TENM1: variants seen among roughly 807,000 people sequenced by gnomAD.
TENM1 encodes teneurin transmembrane protein 1.
TENM1 carries 35 observed loss-of-function variants against 174.8 expected under a neutral mutation model. The observed-to-expected ratio is 0.20, with a 90% CI of 0.15 to 0.27. TENM1 has a LOEUF of 0.27. Ranked by LOEUF, TENM1 falls within the 10% of genes least tolerant of loss-of-function variation. TENM1 has a pLI of 1.00. For missense variants in TENM1, 1,633 were observed against 2,130.1 expected, an observed-to-expected ratio of 0.77 and a Z score of 4.59; for synonymous variants, 781 against 798.7, an observed-to-expected ratio of 0.98 and a Z score of 0.37.
chrX:124,824,824 C>G (rs2056118531), intron 3 of TENM1, among the ~76,000 whole-genome samples: 1 of 111,576 alleles, frequency 9.0e-6, no homozygotes, highest in South Asian at 3.8e-4. Flanking sequence ...TGTAGTACTA[C>G]TAATGTGCAA....
At chrX:124,667,296 T>C (rs2051792011) in intron 6 of TENM1, among the ~76,000 whole-genome samples, 1 of 111,444 alleles carries the variant, frequency 9.0e-6, no homozygotes, top group African/African-American at 3.3e-5. Context: ...GTTTACTGGT[T>C]AAATAGTTAT....
chrX:124,825,041 C>T (rs931396402), intron 3 of TENM1, among the ~76,000 whole-genome samples: 9 of 109,460 alleles, frequency 8.2e-5, no homozygotes, highest in African/African-American at 2.0e-4. Context: ...GAAATGGGAA[C>T]GTGACGAGAC....
chrX:125,202,216 G>A, the TENM1 span, among the ~76,000 whole-genome samples: 5 of 111,805 alleles, frequency 4.5e-5, no homozygotes, highest in East Asian at 1.4e-3. Context: ...CACGTTAAGA[G>A]TAGCAATTGA....
chrX:124,384,192 T>C, exon 30 of TENM1: 1 of 1,210,353 alleles, frequency 8.3e-7, no homozygotes. Context: ...CCAGAAGCCT[T>C]ATTGTAGGCT....
the TENM1 span, among the ~76,000 whole-genome samples, chrX:125,033,544 A>G: frequency 1.8e-5 from 2 of 111,923 alleles, no homozygotes; most frequent in Non-Finnish European, 3.8e-5. Flanking sequence ...TTGAGAGTAG[A>G]AAAAGCAGCC....
At chrX:124,947,135 G>A (rs1424034878) in intron 1 of TENM1, among the ~76,000 whole-genome samples, 1 of 111,584 alleles carries the variant, frequency 9.0e-6, no homozygotes. Flanking sequence ...AAAGAACACT[G>A]TCCCTTGGCC....
intron 1 of TENM1, among the ~76,000 whole-genome samples, chrX:124,921,027 G>T (rs1456596908): frequency 2.1e-5 from 2 of 93,605 alleles, no homozygotes; most frequent in African/African-American, 4.0e-5. Flanking sequence ...CTTACCTCTA[G>T]TTTCCCCTAA....
At chrX:124,393,410 T>TG (rs2060301946) in intron 27 of TENM1, among the ~76,000 whole-genome samples, 7 of 110,125 alleles carry the variant, frequency 6.4e-5, no homozygotes, top group East Asian at 2.8e-4. Flanking sequence ...ACTGTTTTTT[T>TG]TTGTGTGTGT....
chrX:125,051,825 A>G, the TENM1 span, among the ~76,000 whole-genome samples: 1 of 104,455 alleles, frequency 9.6e-6, no homozygotes, highest in African/African-American at 3.5e-5. Flanking sequence ...AATGGCAACA[A>G]AAGCCAAAAT....
chrX:125,108,575 G>T, the TENM1 span, among the ~76,000 whole-genome samples: 1 of 109,263 alleles, frequency 9.2e-6, no homozygotes, highest in Admixed American at 9.8e-5. Context: ...ACAAAAATTC[G>T]CTGGGCATGG....
chrX:125,109,051 C>T, the TENM1 span, among the ~76,000 whole-genome samples: 1 of 111,174 alleles, frequency 9.0e-6, no homozygotes, highest in Non-Finnish European at 1.9e-5. Flanking sequence ...CCCTTTCTTT[C>T]CATTACTTGG....
chrX:125,157,459 T>C, the TENM1 span, among the ~76,000 whole-genome samples: 13 of 112,257 alleles, frequency 1.2e-4, no homozygotes, highest in East Asian at 3.4e-3. Flanking sequence ...ACACATTACA[T>C]ATGCTTTTGT....
At chrX:124,775,241 G>A (rs1238056226) in intron 3 of TENM1, among the ~76,000 whole-genome samples, 1 of 106,459 alleles carries the variant, frequency 9.4e-6, no homozygotes, top group Non-Finnish European at 1.9e-5. Context: ...GGGAGGCGGA[G>A]GCTGCAGTGA....
chrX:125,039,219 A>G, the TENM1 span, among the ~76,000 whole-genome samples: 1 of 111,800 alleles, frequency 8.9e-6, no homozygotes, highest in Admixed American at 9.5e-5. Flanking sequence ...TCAGTTTTAT[A>G]TTTGGCACAA....
At chrX:124,673,416 GA>G (rs2051974246) in intron 5 of TENM1, among the ~76,000 whole-genome samples, 1 of 111,851 alleles carries the variant, frequency 8.9e-6, no homozygotes, top group East Asian at 2.8e-4. Flanking sequence ...GAATTTTTCG[GA>G]TGATTAATTT....
chrX:125,053,985 A>C, the TENM1 span, among the ~76,000 whole-genome samples: 5 of 112,010 alleles, frequency 4.5e-5, no homozygotes, highest in Non-Finnish European at 9.4e-5. Flanking sequence ...TGTTGCTTAA[A>C]AAGTAAAAGG....
At chrX:124,897,989 T>C (rs1231218976) in intron 1 of TENM1, among the ~76,000 whole-genome samples, 2 of 112,627 alleles carry the variant, frequency 1.8e-5, no homozygotes, top group Non-Finnish European at 3.7e-5. Context: ...CCAATCCTAC[T>C]GTGCAGTTGT....
intron 23 of TENM1, among the ~76,000 whole-genome samples, chrX:124,439,172 G>A (rs2060878048): frequency 9.0e-6 from 1 of 111,582 alleles, no homozygotes; most frequent in Non-Finnish European, 1.9e-5. Flanking sequence ...GAGCCTTTTT[G>A]TTTTGTCTTG....
intron 1 of TENM1, among the ~76,000 whole-genome samples, chrX:124,958,715 C>G (rs2058613124): frequency 9.0e-6 from 1 of 111,335 alleles, no homozygotes; most frequent in Non-Finnish European, 1.9e-5. Context: ...CAAGTTATGT[C>G]TCTCCAAGCC....
Sources: gnomAD v4.1 joint callset for allele counts (sites outside exome capture counted in the v4.1 genomes callset) on GRCh38, gnomAD v4.1.1 for gene constraint, MANE v1.5 for transcripts, NCBI Gene and HGNC (gene_info 2026-07-23, HGNC 2026-07-21) for gene names.